Variants in LRP1B observed in about 807,000 individuals in gnomAD.
LRP1B encodes LDL receptor related protein 1B.
LRP1B carries 217 observed loss-of-function variants against 556.6 expected under a neutral mutation model. That is an observed-to-expected ratio of 0.39 (90% CI 0.35 to 0.44). LRP1B has a LOEUF of 0.44. Among genes scored for constraint, LRP1B ranks in the 20% least tolerant of loss-of-function variants. LRP1B has a pLI of 1.00. For missense variants in LRP1B, 5,053 were observed against 5,620.8 expected (o/e 0.90, Z 3.23); for synonymous variants, 2,047 against 1,865.8 (o/e 1.10, Z -2.50).
At chr2:141,890,300 C>T (rs2104911620) in intron 1 of LRP1B, among the ~76,000 whole-genome samples, 1 of 106,452 alleles carries the variant, frequency 9.4e-6, no homozygotes, top group Admixed American at 1.1e-4. Flanking sequence ...AGCACAGTGG[C>T]TGTCACAGGT....
intron 43 of LRP1B, among the ~76,000 whole-genome samples, chr2:140,572,940 T>C (rs1681383629): frequency 6.6e-6 from 1 of 151,802 alleles, no homozygotes; most frequent in Admixed American, 6.6e-5. Flanking sequence ...CACTCATGTG[T>C]AGAAGCTAAA....
chr2:141,339,209 A>G (rs1573826973), intron 3 of LRP1B, among the ~76,000 whole-genome samples: 1 of 92,090 alleles, frequency 1.1e-5, no homozygotes, highest in Admixed American at 9.0e-5. Context: ...TTTTATGTCT[A>G]TAAATTTTTT....
intron 41 of LRP1B, among the ~76,000 whole-genome samples, chr2:140,662,266 T>C (rs1685124269): frequency 6.6e-6 from 1 of 152,018 alleles, no homozygotes; most frequent in Non-Finnish European, 1.5e-5. Context: ...AAATTAGAGA[T>C]TGTAAAATGG....
chr2:140,981,772 A>G (rs1417525252), intron 18 of LRP1B, among the ~76,000 whole-genome samples: 2 of 152,126 alleles, frequency 1.3e-5, no homozygotes, highest in East Asian at 1.9e-4. Context: ...ATACATGCCA[A>G]TAAGAAACAT....
chr2:140,389,390 C>T (rs894731650), intron 66 of LRP1B, among the ~76,000 whole-genome samples: 1 of 151,866 alleles, frequency 6.6e-6, no homozygotes, highest in Non-Finnish European at 1.5e-5. Flanking sequence ...ATTTAAGTTT[C>T]TCTTTAGACC....
At position 140,618,226 on chromosome 2, in the gene LRP1B, CAG is replaced by C. The variant is rs574735057; in HGVS notation, c.6800-16589_6800-16588del. 3.4e-3 allele frequency among the ~76,000 whole-genome samples: 514 copies of C among 151,428 alleles called. 1 individual carries two copies. Among genetic ancestry groups the C allele is most frequent in the African/African-American group, 0.012 (480 of 41,376 alleles). On this transcript the variant is annotated intron_variant, in intron 41 of 90. Coordinates refer to ENST00000389484, the MANE Select transcript of LRP1B (RefSeq NM_018557.3). The stretch of plus-strand genomic sequence containing the variant: ...TAAAAAATAAGAAAATAAATTAAGA[CAG>C]AGAAAAAATAAAAATAATAAAAGAA...
chr2:141,031,731 G>A (rs1195765914), intron 11 of LRP1B, among the ~76,000 whole-genome samples: 4 of 151,932 alleles, frequency 2.6e-5, no homozygotes, highest in Non-Finnish European at 5.9e-5. Context: ...AACACTTGAT[G>A]TAAGTATAAA....
intron 56 of LRP1B, among the ~76,000 whole-genome samples, chr2:140,493,241 C>T (rs1460516038): frequency 6.6e-6 from 1 of 152,108 alleles, no homozygotes; most frequent in African/African-American, 2.4e-5. Flanking sequence ...TACCTTTCCT[C>T]ATGTGTCTTT....
chr2:140,639,949 C>G (rs943887106), intron 41 of LRP1B, among the ~76,000 whole-genome samples: 14 of 152,114 alleles, frequency 9.2e-5, no homozygotes, highest in African/African-American at 3.4e-4. Flanking sequence ...CATTTATTCC[C>G]CAGCTTTCCT....
intron 7 of LRP1B, among the ~76,000 whole-genome samples, chr2:141,185,879 G>C (rs1003157297): frequency 3.3e-5 from 5 of 151,640 alleles, no homozygotes; most frequent in Non-Finnish European, 5.9e-5. Flanking sequence ...AGCAGTTTGA[G>C]ACCAACCTAG....
chr2:140,330,318 G>A (rs1054108686), intron 79 of LRP1B, among the ~76,000 whole-genome samples: 8 of 151,552 alleles, frequency 5.3e-5, no homozygotes, highest in African/African-American at 1.9e-4. Context: ...CACATTACCT[G>A]ACTTCAAACT....
At chr2:141,437,597 G>A (rs554244624) in intron 3 of LRP1B, among the ~76,000 whole-genome samples, 1 of 151,916 alleles carries the variant, frequency 6.6e-6, no homozygotes, top group African/African-American at 2.4e-5. Flanking sequence ...ACTACCTTAA[G>A]AATAATATGA....
chr2:141,126,032 C>CTT (rs1553463791), intron 7 of LRP1B, among the ~76,000 whole-genome samples: 6 of 111,168 alleles, frequency 5.4e-5, no homozygotes, highest in African/African-American at 2.2e-4. Context: ...TACTTTCTTC[C>CTT]TTTTATTTTT....
chr2:140,630,054 T>C (rs1234079674), intron 41 of LRP1B, among the ~76,000 whole-genome samples: 1 of 152,112 alleles, frequency 6.6e-6, no homozygotes, highest in Non-Finnish European at 1.5e-5. Flanking sequence ...GAACTCAAAT[T>C]AGCTACTAAA....
At chr2:141,568,478 C>T (rs945136238) in intron 2 of LRP1B, among the ~76,000 whole-genome samples, 4 of 150,758 alleles carry the variant, frequency 2.7e-5, no homozygotes, top group Admixed American at 1.3e-4. Flanking sequence ...CAAAGACAAC[C>T]ACCCAAAAAA....
intron 84 of LRP1B, among the ~76,000 whole-genome samples, chr2:140,284,895 G>GATATCGATATACCTACCT (rs1683069683): frequency 9.0e-6 from 1 of 111,626 alleles, no homozygotes; most frequent in Admixed American, 9.1e-5. Flanking sequence ...TCTATATATG[G>GATATCGATATACCTACCT]ATATCTATAT....
chr2:141,221,973 C>A (rs1039940201), intron 6 of LRP1B, among the ~76,000 whole-genome samples: 7 of 152,078 alleles, frequency 4.6e-5, no homozygotes, highest in Non-Finnish European at 1.0e-4. Flanking sequence ...CATCAAAAAG[C>A]TAGAAAGATC....
intron 88 of LRP1B, 29 bp downstream of exon 88, chr2:140,239,413 G>C (rs1314215246): frequency 7.2e-7 from 1 of 1,395,770 alleles, no homozygotes; most frequent in Non-Finnish European, 9.9e-7. Flanking sequence ...TTTATTCACT[G>C]ACTGCTAATC....
At chr2:140,895,277 A>G (rs1322058113) in intron 23 of LRP1B, among the ~76,000 whole-genome samples, 3 of 152,226 alleles carry the variant, frequency 2.0e-5, no homozygotes. Context: ...ATATAATGTT[A>G]TTTGCAATGT....
Sources: gnomAD v4.1 joint callset for allele counts (sites outside exome capture counted in the v4.1 genomes callset) on GRCh38, gnomAD v4.1.1 for gene constraint, MANE v1.5 for transcripts, NCBI Gene and HGNC (gene_info 2026-07-23, HGNC 2026-07-21) for gene names.